Variants in AHCTF1 observed in about 807,000 individuals in gnomAD.
AHCTF1 encodes the protein AT-hook containing transcription factor 1.
AHCTF1 carries 24 observed loss-of-function variants against 248.4 expected under a neutral mutation model. That is an observed-to-expected ratio of 0.10 (90% CI 0.07 to 0.14). The LOEUF (loss-of-function observed/expected upper bound fraction) is 0.14. Ranked by LOEUF, AHCTF1 falls within the 10% of genes least tolerant of loss-of-function variation. The probability of loss-of-function intolerance (pLI) is 1.00; values close to 1 mark genes in which losing one functional copy is unlikely to be tolerated. For missense variants in AHCTF1, 2,206 were observed against 2,636.2 expected (o/e 0.84, Z 3.57); for synonymous variants, 786 against 929.8 (o/e 0.85, Z 2.81).
At chr1:246,869,605 A>C (rs1662415890) in intron 24 of AHCTF1, among the ~76,000 whole-genome samples, 1 of 152,176 alleles carries the variant, frequency 6.6e-6, no homozygotes, top group South Asian at 2.1e-4. Flanking sequence ...AAATGATGGG[A>C]AATCTACTAT....
intron 4 of AHCTF1, among the ~76,000 whole-genome samples, chr1:246,908,670 A>G (rs1017145936): frequency 1.8e-4 from 27 of 151,084 alleles, no homozygotes; most frequent in Non-Finnish European, 3.7e-4. Context: ...GGCGGATCAC[A>G]AGGTCAGGAG....
At chr1:246,895,804 C>T (rs1358068414) in intron 13 of AHCTF1, 31 bp downstream of exon 13, 6 of 1,519,262 alleles carry the variant, frequency 3.9e-6, no homozygotes, top group Non-Finnish European at 4.5e-6. Flanking sequence ...TTTAAAAATA[C>T]CAAACATTTT....
chr1:246,926,066 A>G (rs1391468629), intron 1 of AHCTF1, among the ~76,000 whole-genome samples: 2 of 140,634 alleles, frequency 1.4e-5, no homozygotes, highest in Non-Finnish European at 3.1e-5. Flanking sequence ...AAAAAAAAAA[A>G]GGCCTGGTAC....
intron 33 of AHCTF1, among the ~76,000 whole-genome samples, chr1:246,844,834 C>T (rs1412663897): frequency 2.7e-5 from 4 of 150,794 alleles, no homozygotes; most frequent in Non-Finnish European, 4.4e-5. Context: ...CTATAGGGCC[C>T]CCATATTAAA....
intron 35 of AHCTF1, 97 bp from the exon 36 acceptor site, chr1:246,841,095 T>TA (rs1659834370): frequency 5.1e-6 from 5 of 977,848 alleles, no homozygotes; most frequent in Non-Finnish European, 7.4e-6. Flanking sequence ...AGGGACTGCT[T>TA]AGTGCTTTCA....
At chr1:246,863,858 T>C (rs1342208140) in intron 27 of AHCTF1, 66 bp downstream of exon 27, 8 of 1,506,896 alleles carry the variant, frequency 5.3e-6, no homozygotes. Flanking sequence ...CTTATTTTTC[T>C]CCTTGCTACT....
At chr1:246,867,901 C>A (rs368941568) in intron 24 of AHCTF1, 90 bp from the exon 25 acceptor site, 21,748 of 313,404 alleles carry the variant, frequency 0.069, 1,027 homozygotes, top group South Asian at 0.095. Context: ...ACCCCCCCCC[C>A]CACACACACA....
In AHCTF1 at chr1:246,889,958, T is replaced by C; in HGVS notation, c.2144+8A>G. On this transcript the variant is annotated splice_region_variant and intron_variant, in intron 17 of 35. Coordinates refer to ENST00000648844, the MANE Select transcript of AHCTF1 (RefSeq NM_001323342.2). ...ACAGATGTAATTTCTAAAATTGTTT[T>C]ACTATACCTTGATAAACGCTCAAAC... The C allele has an allele frequency of 6.2e-7, 1 of 1,601,172 alleles. No homozygotes were observed.
At chr1:246,882,305 C>G (rs1485868051) in intron 21 of AHCTF1, among the ~76,000 whole-genome samples, 1 of 152,134 alleles carries the variant, frequency 6.6e-6, no homozygotes, top group East Asian at 1.9e-4. Flanking sequence ...CCTATTATTA[C>G]TTTTAAACAG....
chr1:246,931,313 C>T, intron 1 of AHCTF1: 1 of 1,546,814 alleles, frequency 6.5e-7, no homozygotes, highest in Non-Finnish European at 8.7e-7. Flanking sequence ...ACCACCAGCG[C>T]CGCTCCGCCG....
At position 246,839,327 on chromosome 1, in the gene AHCTF1, C is replaced by T. The variant is rs1659673796; in HGVS notation, c.*1479G>A. The T allele has an allele frequency of 1.2e-5, 2 of 160,124 alleles. No homozygotes were observed. The highest frequency in any genetic ancestry group is 2.0e-4 in the South Asian group (1 of 5,014). 9.9% of individuals were successfully genotyped at this position (160,124 alleles called of 1,614,324 possible). ...GTATTAACTTGACATACGTTGCATCCATGTTTATTGTGCTACTTGCGCAAA... is the reference window on the plus strand; with the variant it reads ...GTATTAACTTGACATACGTTGCATCTATGTTTATTGTGCTACTTGCGCAAA... On this transcript the variant is annotated 3_prime_UTR_variant, in exon 36 of 36. Coordinates refer to ENST00000648844, the MANE Select transcript of AHCTF1 (RefSeq NM_001323342.2).
intron 11 of AHCTF1, among the ~76,000 whole-genome samples, chr1:246,899,085 G>A (rs373919412): frequency 2.2e-4 from 33 of 152,002 alleles, no homozygotes; most frequent in African/African-American, 7.3e-4. Context: ...GCGAAACTCC[G>A]TCTCAAAAAG....
chr1:246,878,493 T>C (rs916269600), intron 21 of AHCTF1, among the ~76,000 whole-genome samples: 1 of 151,228 alleles, frequency 6.6e-6, no homozygotes, highest in Non-Finnish European at 1.5e-5. Flanking sequence ...GGAAAATCAT[T>C]AGTTTTTTAA....
intron 1 of AHCTF1, among the ~76,000 whole-genome samples, chr1:246,926,046 TAAAAAAAA>T (rs35982364): frequency 8.2e-6 from 1 of 121,268 alleles, no homozygotes; most frequent in Non-Finnish European, 1.7e-5. Flanking sequence ...ACCCTGTCTT[TAAAAAAAA>T]AAAAAAAAAA....
intron 1 of AHCTF1, among the ~76,000 whole-genome samples, chr1:246,929,792 G>A (rs1274399992): frequency 1.3e-5 from 2 of 152,216 alleles, no homozygotes; most frequent in Non-Finnish European, 2.9e-5. Context: ...GGTGGCTCAC[G>A]CCTGTAATCC....
Position 246,842,678 on chromosome 1 carries a change from G to C in AHCTF1, c.6608+16C>G. 1 of 1,610,116 alleles carries C rather than the reference G, an allele frequency of 6.2e-7. No homozygotes were observed. Among genetic ancestry groups the C allele is most frequent in the South Asian group, 1.1e-5 (1 of 90,982 alleles). ...TCAATCAATCAATCAATCAAGAACAGAACAGAAAGTCATACTTGCTTGCTT... is the reference window on the plus strand; with the variant it reads ...TCAATCAATCAATCAATCAAGAACACAACAGAAAGTCATACTTGCTTGCTT... On this transcript the variant is annotated intron_variant, in intron 35 of 35. Transcript: ENST00000648844.
At chr1:246,869,038 G>GT (rs1325113565) in intron 24 of AHCTF1, among the ~76,000 whole-genome samples, 1 of 151,400 alleles carries the variant, frequency 6.6e-6, no homozygotes. Context: ...TAGAGACGGG[G>GT]TTTCACCATG....
intron 34 of AHCTF1, 76 bp from the exon 35 acceptor site, chr1:246,842,852 A>C (rs1019488508): frequency 7.2e-5 from 94 of 1,308,556 alleles, no homozygotes; most frequent in Middle Eastern, 3.7e-4. Flanking sequence ...GAGACAAGGA[A>C]TACTAGAGCC....
At chr1:246,898,639 C>T (rs1158820393) in intron 11 of AHCTF1, among the ~76,000 whole-genome samples, 1 of 142,352 alleles carries the variant, frequency 7.0e-6, no homozygotes, top group Non-Finnish European at 1.6e-5. Context: ...CACACACACA[C>T]ACACACACAC....
Sources: allele counts gnomAD v4.1 joint callset (sites outside exome capture counted in the v4.1 genomes callset), GRCh38; gene constraint gnomAD v4.1.1; transcripts MANE v1.5; gene names NCBI Gene and HGNC (gene_info 2026-07-23, HGNC 2026-07-21).